The following NTRK3 variants were observed in gnomAD, a reference collection of about 807,000 sequenced individuals.
The protein encoded by NTRK3 is neurotrophic receptor tyrosine kinase 3.
In NTRK3, 24 loss-of-function variants were observed where a neutral mutation model predicts 91.7. The ratio of observed to expected loss-of-function variants is 0.26; its 90% CI spans 0.19 to 0.37. The LOEUF (loss-of-function observed/expected upper bound fraction) is 0.37. NTRK3 is among the 10% of genes least tolerant of loss of function. The probability of loss-of-function intolerance (pLI) is 1.00; values close to 1 mark genes in which losing one functional copy is unlikely to be tolerated. For missense variants in NTRK3, 880 were observed against 1,068.9 expected (o/e 0.82, Z 2.46); for synonymous variants, 483 against 404.0 (o/e 1.20, Z -2.34).
chr15:88,017,761 G>A (rs933527685), intron 14 of NTRK3, among the ~76,000 whole-genome samples: 1 of 152,116 alleles, frequency 6.6e-6, no homozygotes, highest in African/African-American at 2.4e-5. Flanking sequence ...TGTCAAACCA[G>A]CCATGATTTA....
At chr15:88,105,145 G>GAGAGAA (rs2050568001) in intron 13 of NTRK3, among the ~76,000 whole-genome samples, 1 of 152,216 alleles carries the variant, frequency 6.6e-6, no homozygotes, top group Non-Finnish European at 1.5e-5. Flanking sequence ...TACACCTAGA[G>GAGAGAA]AGAGAAAGCA....
chr15:88,115,802 G>A (rs941947777), intron 13 of NTRK3, among the ~76,000 whole-genome samples: 5 of 152,156 alleles, frequency 3.3e-5, no homozygotes. Flanking sequence ...ACCTAGGGCA[G>A]TGTCTCTGAG....
intron 5 of NTRK3, among the ~76,000 whole-genome samples, chr15:88,169,936 C>G (rs537085703): frequency 6.6e-6 from 1 of 152,272 alleles, no homozygotes; most frequent in South Asian, 2.1e-4. Flanking sequence ...GTGCTAAATG[C>G]TCCCAGGGAG....
At chr15:87,878,484 T>G (rs1421663569) in intron 18 of NTRK3, among the ~76,000 whole-genome samples, 1 of 152,218 alleles carries the variant, frequency 6.6e-6, no homozygotes, top group Non-Finnish European at 1.5e-5. Context: ...GCTGCTTATA[T>G]TCCCCATTCA....
intron 17 of NTRK3, among the ~76,000 whole-genome samples, chr15:87,902,462 A>C (rs1007401469): frequency 2.3e-4 from 35 of 152,206 alleles, no homozygotes; most frequent in African/African-American, 8.4e-4. Flanking sequence ...TTTCCCGTTA[A>C]CATCTCTTTC....
At chr15:88,216,365 T>C (rs1044256331) in intron 3 of NTRK3, among the ~76,000 whole-genome samples, 2 of 152,166 alleles carry the variant, frequency 1.3e-5, no homozygotes, top group East Asian at 1.9e-4. Context: ...ACAGCAGCCC[T>C]AGGTACTTCT....
exon 19 of NTRK3, chr15:87,863,817 T>G (rs1290041021): frequency 4.3e-6 from 1 of 231,748 alleles, no homozygotes; most frequent in Non-Finnish European, 8.5e-6. Context: ...GGTAAAACTT[T>G]GCCATGAACT....
chr15:87,895,252 T>G (rs1438649727), intron 17 of NTRK3, among the ~76,000 whole-genome samples: 1 of 152,218 alleles, frequency 6.6e-6, no homozygotes, highest in Non-Finnish European at 1.5e-5. Flanking sequence ...GTTATTGTTT[T>G]TAATGTAAAT....
At chr15:88,157,208 C>T (rs952295966) in intron 5 of NTRK3, among the ~76,000 whole-genome samples, 7 of 152,026 alleles carry the variant, frequency 4.6e-5, no homozygotes, top group East Asian at 1.9e-4. Flanking sequence ...AAGGCGCTCT[C>T]GCTCCCTCTT....
In NTRK3 at chr15:88,137,681, A is replaced by G. The variant is rs1046178197; in HGVS notation, c.465-120T>C. The stretch of plus-strand genomic sequence containing the variant: ...AGGGATTAAGGGGAGAAGGGATTTA[A>G]CAAGGTTACAAAAGAAGTGGAAAAA... On this transcript the variant is annotated intron_variant, in intron 6 of 18. Transcript: ENST00000394480. The G allele has an allele frequency of 1.0e-5, 10 of 972,826 alleles. 1 individual carries two copies. The East Asian group carries it at 2.6e-4, about 26-fold the overall frequency. The allele number at this position is 972,826 out of a possible 1,614,324, so 60.3% of individuals were successfully genotyped here. A position where few individuals can be genotyped will look rare whatever the true frequency, so the allele number is the denominator to read the frequency against.
At position 88,199,439 on chromosome 15, in the gene NTRK3, A is replaced by G. The variant is rs543860270; in HGVS notation, c.249-15140T>C. Among the ~76,000 whole-genome samples, 117 of 152,324 alleles carry G rather than the reference A, an allele frequency of 7.7e-4. 2 individuals carry two copies. The South Asian group carries it at 0.023, about 30-fold the overall frequency. ...GGGCTCCTGGCTCCTAAAAAGCCCT[A>G]GTAAATGTTGCATGGATGCAGCAGG... On this transcript the variant is annotated intron_variant, in intron 3 of 18. Transcript: ENST00000394480.
At chr15:88,019,637 C>A (rs986712520) in intron 14 of NTRK3, among the ~76,000 whole-genome samples, 5 of 152,182 alleles carry the variant, frequency 3.3e-5, no homozygotes, top group African/African-American at 1.2e-4. Context: ...GAAAAGACAA[C>A]CCTGTGGGGC....
intron 14 of NTRK3, among the ~76,000 whole-genome samples, chr15:87,965,854 G>A (rs912356021): frequency 6.6e-6 from 1 of 152,124 alleles, no homozygotes; most frequent in Admixed American, 6.5e-5. Context: ...GAGGCAGGTG[G>A]ATCACTTGAG....
intron 17 of NTRK3, among the ~76,000 whole-genome samples, chr15:87,921,441 C>T (rs1383965715): frequency 1.3e-5 from 2 of 152,174 alleles, no homozygotes; most frequent in African/African-American, 4.8e-5. Context: ...ACCAGTATGC[C>T]TAGCTGCTAA....
chr15:87,912,069 C>T (rs1451005553), intron 17 of NTRK3, among the ~76,000 whole-genome samples: 1 of 152,210 alleles, frequency 6.6e-6, no homozygotes, highest in East Asian at 1.9e-4. Flanking sequence ...TTCAGTTTCA[C>T]TGAATCTGTG....
rs1303839085 is a variant in NTRK3 at position 87,933,074 on chromosome 15, A to G, written c.1827T>C (p.Asp609=). 3 of 1,614,012 alleles carry G rather than the reference A, an allele frequency of 1.9e-6. No individual in the cohort carries two copies. In the East Asian group the frequency reaches 6.7e-5, roughly 36 times the overall value. Residue 609 remains aspartate, a synonymous_variant, in exon 16 of 19, where the codon GAT becomes GAC. Transcript: ENST00000394480. ...CAAAGACCATGATGAGGGGGTCCCC[A>G]TCGCCGCACACTCCATAGAACTTGA...
intron 14 of NTRK3, among the ~76,000 whole-genome samples, chr15:88,024,126 T>C (rs1476824996): frequency 1.3e-5 from 2 of 152,336 alleles, no homozygotes; most frequent in East Asian, 1.9e-4. Flanking sequence ...GGGCAATTCC[T>C]CTTCCAGAAA....
At chr15:87,923,884 C>T (rs565669856) in intron 17 of NTRK3, among the ~76,000 whole-genome samples, 9 of 152,182 alleles carry the variant, frequency 5.9e-5, no homozygotes, top group Non-Finnish European at 1.2e-4. Context: ...TGGTCTTTTG[C>T]CATGTGATGT....
chr15:87,941,822 A>G (rs1437895240), intron 14 of NTRK3, among the ~76,000 whole-genome samples: 3 of 152,236 alleles, frequency 2.0e-5, no homozygotes, highest in Non-Finnish European at 4.4e-5. Context: ...AAGGAGTTGT[A>G]CAAGCAGTGG....
Sources: allele counts gnomAD v4.1 joint callset (sites outside exome capture counted in the v4.1 genomes callset), GRCh38; gene constraint gnomAD v4.1.1; transcripts MANE v1.5; gene names NCBI Gene and HGNC (gene_info 2026-07-23, HGNC 2026-07-21).